TASP1: variants seen among roughly 807,000 people sequenced by gnomAD.
TASP1 encodes taspase 1.
A neutral mutation model predicts 56.6 loss-of-function variants in TASP1; 16 were observed. That is an observed-to-expected ratio of 0.28 (90% CI 0.19 to 0.43). The LOEUF is 0.43. Ranked by LOEUF, TASP1 falls within the 20% of genes least tolerant of loss-of-function variation. TASP1 has a pLI of 1.00. For synonymous variants in TASP1, 179 were observed against 184.2 expected (o/e 0.97, Z 0.23); for missense variants, 393 against 511.6 (o/e 0.77, Z 2.24).
chr20:13,120,871 T>A, the TASP1 span, among the ~76,000 whole-genome samples: 1 of 152,196 alleles, frequency 6.6e-6, no homozygotes, highest in Admixed American at 6.5e-5. Flanking sequence ...AGAGTTTTGC[T>A]GTTTTGCTCA....
At chr20:13,261,188 T>A in the TASP1 span, among the ~76,000 whole-genome samples, 1 of 151,900 alleles carries the variant, frequency 6.6e-6, no homozygotes, top group Non-Finnish European at 1.5e-5. Context: ...CTGAGTTGGG[T>A]GGATCACCTG....
chr20:13,633,209 A>T (rs2049163047), intron 1 of TASP1, among the ~76,000 whole-genome samples: 1 of 152,180 alleles, frequency 6.6e-6, no homozygotes, highest in Non-Finnish European at 1.5e-5. Context: ...TTTGCTAAGT[A>T]AAAAAGGAAT....
At chr20:13,215,075 C>T in the TASP1 span, among the ~76,000 whole-genome samples, 4 of 152,158 alleles carry the variant, frequency 2.6e-5, no homozygotes, top group African/African-American at 9.7e-5. Context: ...ACCCAGGATA[C>T]ATGCTGTTTT....
chr20:13,105,259 T>G, the TASP1 span, among the ~76,000 whole-genome samples: 2 of 138,958 alleles, frequency 1.4e-5, no homozygotes, highest in East Asian at 4.2e-4. Flanking sequence ...GTTCATCCCC[T>G]GCAGGAGGAA....
At chr20:13,227,610 G>A in the TASP1 span, among the ~76,000 whole-genome samples, 35 of 148,472 alleles carry the variant, frequency 2.4e-4, 1 homozygote, top group Admixed American at 1.2e-3. Flanking sequence ...CTGGCTTCAC[G>A]CCATTCTCCT....
At chr20:13,209,455 G>A in the TASP1 span, among the ~76,000 whole-genome samples, 3 of 152,082 alleles carry the variant, frequency 2.0e-5, no homozygotes, top group Non-Finnish European at 4.4e-5. Flanking sequence ...ATTGTACTGG[G>A]AAATTTTACA....
intron 6 of TASP1, among the ~76,000 whole-genome samples, chr20:13,579,445 T>G (rs1247714035): frequency 6.6e-6 from 1 of 152,024 alleles, no homozygotes; most frequent in Non-Finnish European, 1.5e-5. Flanking sequence ...CTCAGCTCAC[T>G]GCAAGCTCCG....
chr20:13,295,577 G>A, the TASP1 span, among the ~76,000 whole-genome samples: 2 of 152,154 alleles, frequency 1.3e-5, no homozygotes, highest in African/African-American at 4.8e-5. Flanking sequence ...ACACCTCCAA[G>A]ACCCAGACAC....
chr20:13,127,186 C>T, the TASP1 span, among the ~76,000 whole-genome samples: 1 of 152,220 alleles, frequency 6.6e-6, no homozygotes. Context: ...ACACAATAAG[C>T]TTCCAGCCAT....
At chr20:13,165,287 C>T in the TASP1 span, 1 of 160,152 alleles carries the variant, frequency 6.2e-6, no homozygotes, top group East Asian at 1.8e-4. Flanking sequence ...GTGTGGTGGA[C>T]AGTAGCCACC....
chr20:13,143,015 T>C, the TASP1 span, among the ~76,000 whole-genome samples: 4 of 152,260 alleles, frequency 2.6e-5, no homozygotes, highest in Non-Finnish European at 4.4e-5. Flanking sequence ...TGAACATCTC[T>C]GAAGTTTTGT....
the TASP1 span, among the ~76,000 whole-genome samples, chr20:13,258,858 C>T: frequency 4.9e-4 from 74 of 152,232 alleles, no homozygotes; most frequent in African/African-American, 1.6e-3. Context: ...GCTCACAAGC[C>T]GTGGTTCTCC....
the TASP1 span, among the ~76,000 whole-genome samples, chr20:13,200,946 G>T: frequency 1.5e-4 from 23 of 152,200 alleles, no homozygotes; most frequent in African/African-American, 5.3e-4. Flanking sequence ...TATGTCTTTT[G>T]TAAAGAAAAG....
At chr20:13,426,840 A>G (rs1482931655) in intron 12 of TASP1, among the ~76,000 whole-genome samples, 1 of 152,202 alleles carries the variant, frequency 6.6e-6, no homozygotes, top group African/African-American at 2.4e-5. Context: ...ACTATAGTGA[A>G]GATGTAACAA....
intron 4 of TASP1, among the ~76,000 whole-genome samples, chr20:13,595,301 T>C (rs1174147662): frequency 6.6e-6 from 1 of 152,178 alleles, no homozygotes; most frequent in Non-Finnish European, 1.5e-5. Context: ...ATCAATGCTA[T>C]GAAGAAACTG....
At chr20:13,236,160 T>G in the TASP1 span, among the ~76,000 whole-genome samples, 1 of 152,130 alleles carries the variant, frequency 6.6e-6, no homozygotes, top group African/African-American at 2.4e-5. Flanking sequence ...CTTAACCTTG[T>G]GATCCACCCA....
chr20:13,560,948 A>T (rs536295559), intron 7 of TASP1, among the ~76,000 whole-genome samples: 1 of 152,202 alleles, frequency 6.6e-6, no homozygotes, highest in East Asian at 1.9e-4. Context: ...GCCAAAGACA[A>T]AGAGAGAATC....
the TASP1 span, among the ~76,000 whole-genome samples, chr20:13,219,820 C>T: frequency 6.6e-6 from 1 of 152,148 alleles, no homozygotes; most frequent in African/African-American, 2.4e-5. Flanking sequence ...CCGGAGGAAC[C>T]TTCGCAAAGG....
chr20:13,637,774 T>A (rs2049362046), intron 1 of TASP1, among the ~76,000 whole-genome samples: 1 of 152,258 alleles, frequency 6.6e-6, no homozygotes, highest in African/African-American at 2.4e-5. Context: ...AGTATAGGAT[T>A]TCTTTTGGGG....
Sources: gnomAD v4.1 joint callset for allele counts (sites outside exome capture counted in the v4.1 genomes callset) on GRCh38, gnomAD v4.1.1 for gene constraint, MANE v1.5 for transcripts, NCBI Gene and HGNC (gene_info 2026-07-23, HGNC 2026-07-21) for gene names.